Variants in VPS26C observed in about 807,000 individuals in gnomAD.
VPS26C encodes VPS26 endosomal protein sorting factor C.
A neutral mutation model predicts 30.6 loss-of-function variants in VPS26C; 19 were observed. That is an observed-to-expected ratio of 0.62 (90% confidence interval 0.43 to 0.91). The LOEUF is 0.91. Among genes scored for constraint, VPS26C ranks in the 40% least tolerant of loss-of-function variants. The probability of loss-of-function intolerance (pLI) is 0.00; values close to 1 mark genes in which losing one functional copy is unlikely to be tolerated. For missense variants in VPS26C, 318 were observed against 385.1 expected (o/e 0.83, Z 1.46); for synonymous variants, 132 against 151.5 (o/e 0.87, Z 0.95).
intron 3 of VPS26C, among the ~76,000 whole-genome samples, chr21:37,236,522 A>G (rs2086026428): frequency 6.6e-6 from 1 of 152,274 alleles, no homozygotes; most frequent in African/African-American, 2.4e-5. Context: ...AACTGTAATT[A>G]TAGAGACAAA....
At chr21:37,267,554 C>G (rs1366382894), upstream of VPS26C, 3 of 550,224 alleles carry the variant, frequency 5.5e-6, no homozygotes, top group Non-Finnish European at 9.7e-6. Context: ...GCGTGAAAGA[C>G]GGGGCCAAGC....
chr21:37,241,656 A>G (rs1285799680), intron 1 of VPS26C, among the ~76,000 whole-genome samples: 1 of 152,028 alleles, frequency 6.6e-6, no homozygotes, highest in Admixed American at 6.6e-5. Context: ...CATCTCTACA[A>G]ATAATAAGAA....
intron 1 of VPS26C, among the ~76,000 whole-genome samples, chr21:37,247,973 C>T (rs2086153884): frequency 6.6e-6 from 1 of 152,030 alleles, no homozygotes. Flanking sequence ...GAGTTTGAGA[C>T]CAGCCTAGGC....
Position 37,225,446 on chromosome 21 carries a change from A to AT in VPS26C, c.*97_*98insA. ...TTTCTGATACAGAATAATCACAAAAACAAGTATATGCCGCTGGCTGTAGCT... is the reference window on the plus strand; with the variant it reads ...TTTCTGATACAGAATAATCACAAAAATCAAGTATATGCCGCTGGCTGTAGCT... On this transcript the variant is annotated 3_prime_UTR_variant, in exon 8 of 8. Coordinates refer to ENST00000309117, the MANE Select transcript of VPS26C (RefSeq NM_006052.2). 2 of 1,000,884 alleles carry AT rather than the reference A, an allele frequency of 2.0e-6. No individual in the cohort carries two copies. Among genetic ancestry groups the AT allele is most frequent in the Admixed American group, 3.8e-5 (2 of 51,986 alleles). 62.0% of individuals were successfully genotyped at this position (1,000,884 alleles called of 1,614,324 possible).
chr21:37,259,216 A>C (rs892310091), intron 1 of VPS26C, among the ~76,000 whole-genome samples: 7 of 152,164 alleles, frequency 4.6e-5, no homozygotes, highest in Non-Finnish European at 1.5e-5. Flanking sequence ...TTAAAAAAAA[A>C]AACAAAAAAA....
At chr21:37,248,151 T>C (rs945852262) in intron 1 of VPS26C, among the ~76,000 whole-genome samples, 3 of 151,924 alleles carry the variant, frequency 2.0e-5, no homozygotes, top group African/African-American at 7.3e-5. Flanking sequence ...TCATGACCAA[T>C]AGAGTAGACA....
intron 7 of VPS26C, 40 bp from the exon 8 acceptor site, chr21:37,225,666 C>T: frequency 6.4e-7 from 1 of 1,555,732 alleles, no homozygotes; most frequent in Non-Finnish European, 8.9e-7. Context: ...CTCACTGTTA[C>T]CAAGCAGCGA....
chr21:37,253,262 T>G (rs760328360), intron 1 of VPS26C, among the ~76,000 whole-genome samples: 15 of 152,242 alleles, frequency 9.9e-5, no homozygotes, highest in Non-Finnish European at 1.9e-4. Flanking sequence ...GCATGCTTGC[T>G]GTATCAGACA....
chr21:37,227,639 G>A lies in VPS26C; in HGVS notation c.811+15C>T, dbSNP rs1352715555. 1 of 1,612,084 alleles carries A rather than the reference G, an allele frequency of 6.2e-7. No individual in the cohort carries two copies. Among genetic ancestry groups the A allele is most frequent in the Non-Finnish European group, 8.5e-7 (1 of 1,178,674 alleles). On this transcript the variant is annotated intron_variant, in intron 7 of 7. Transcript: ENST00000309117. ...CCCATGGGCCCATGAGGGCTGGGAG[G>A]CGAGTGCCACTTACCCACTTTGAAG...
In VPS26C at chr21:37,224,567, G is replaced by A. The variant is rs1206715142; in HGVS notation, c.*977C>T. 3 of 152,216 alleles carry A rather than the reference G, an allele frequency of 2.0e-5. No individual in the cohort carries two copies. Among genetic ancestry groups the A allele is most frequent in the Non-Finnish European group, 2.9e-5 (2 of 68,054 alleles). The allele number at this position is 152,216 out of a possible 1,614,324, so 9.4% of individuals were successfully genotyped here. A position where few individuals can be genotyped will look rare whatever the true frequency, so the allele number is the denominator to read the frequency against. ...TATCTGTTCAGGGAAATGGCAGCGT[G>A]AGATTTTATGGCAGTTCTTGAGACT... On this transcript the variant is annotated 3_prime_UTR_variant, in exon 8 of 8. Coordinates refer to ENST00000309117, the MANE Select transcript of VPS26C (RefSeq NM_006052.2).
chr21:37,245,151 T>TA (rs1449964864), intron 1 of VPS26C, among the ~76,000 whole-genome samples: 3 of 152,066 alleles, frequency 2.0e-5, no homozygotes, highest in Non-Finnish European at 2.9e-5. Context: ...TCTAATGGAT[T>TA]AAAAAATGAG....
chr21:37,267,670 G>T (rs1290949894), upstream of VPS26C: 1 of 295,338 alleles, frequency 3.4e-6, no homozygotes, highest in African/African-American at 2.2e-5. Flanking sequence ...CCCCGCGGCT[G>T]GAGGCGGAGC....
intron 1 of VPS26C, chr21:37,266,737 G>A (rs553338517): frequency 6.2e-6 from 1 of 161,242 alleles, no homozygotes; most frequent in African/African-American, 2.4e-5. Flanking sequence ...TTCGTAGTAT[G>A]TTAGTATGTT....
chr21:37,266,093 T>A (rs1024338063), intron 1 of VPS26C, among the ~76,000 whole-genome samples: 10 of 151,956 alleles, frequency 6.6e-5, no homozygotes, highest in African/African-American at 2.4e-4. Context: ...AATTTTTGTA[T>A]TTTTAGTAGA....
rs1396572216 is a variant in VPS26C, at chr21:37,228,119, G to T, written c.658+104C>A. On this transcript the variant is annotated intron_variant, in intron 6 of 7. Coordinates refer to ENST00000309117, the MANE Select transcript of VPS26C (RefSeq NM_006052.2). ...CTCCTGAGTAGCTGGGATTACAGGGGTGCGCCACTGTGCCCAGCCCCCCAG... is the reference window on the plus strand; with the variant it reads ...CTCCTGAGTAGCTGGGATTACAGGGTTGCGCCACTGTGCCCAGCCCCCCAG... The T allele has an allele frequency of 4.1e-6, 6 of 1,469,740 alleles. No homozygotes were observed. In the African/African-American group the frequency reaches 8.3e-5, roughly 20 times the overall value. 91.0% of individuals were successfully genotyped at this position (1,469,740 alleles called of 1,614,324 possible).
Position 37,233,857 on chromosome 21 carries a change from TC to T in VPS26C, c.352-416del, listed in dbSNP as rs934596130. ...AACACAACTTGTCTGAGCTTCTGCT[TC>T]CCTTCTGTAGAATGGGGCTCTTAAG... On this transcript the variant is annotated intron_variant, in intron 3 of 7. Transcript: ENST00000309117. This position sits in a 1 kb window ranked among gnomAD's most constrained non-coding sequence, Gnocchi z 5.2. 3.3e-5 allele frequency among the ~76,000 whole-genome samples: 5 copies of T among 152,272 alleles called. No individual in the cohort carries two copies. The highest frequency in any genetic ancestry group is 6.5e-5 in the Admixed American group (1 of 15,302).
chr21:37,266,920 C>T (rs1227500668), intron 1 of VPS26C: 3 of 446,806 alleles, frequency 6.7e-6, no homozygotes, highest in Non-Finnish European at 1.2e-5. Flanking sequence ...GAGCTCAAGC[C>T]TGAGAACCCA....
intron 1 of VPS26C, among the ~76,000 whole-genome samples, chr21:37,255,851 A>AT (rs375877407): frequency 0.014 from 1,522 of 108,440 alleles, 98 homozygotes; most frequent in African/African-American, 0.045. Context: ...TATGCACTGC[A>AT]TTTTTTTTTT....
chr21:37,265,910 CTTTTTTTTT>C (rs59649054), intron 1 of VPS26C, among the ~76,000 whole-genome samples: 1 of 77,224 alleles, frequency 1.3e-5, no homozygotes, highest in Non-Finnish European at 2.3e-5. Context: ...AGCTTTTTCT[CTTTTTTTTT>C]TTTTTTTTTT....
Sources: gnomAD v4.1 joint callset for allele counts (sites outside exome capture counted in the v4.1 genomes callset) on GRCh38, gnomAD v4.1.1 for gene constraint, Gnocchi (gnomAD v3.1) non-coding constraint, MANE v1.5 for transcripts, NCBI Gene and HGNC (gene_info 2026-07-23, HGNC 2026-07-21) for gene names.